The following COG5 variants were observed in gnomAD, a reference collection of about 807,000 sequenced individuals.
The protein encoded by COG5 is component of oligomeric golgi complex 5.
In COG5, 86 loss-of-function variants were observed where a neutral mutation model predicts 110.4. The ratio of observed to expected loss-of-function variants is 0.78; its 90% CI spans 0.65 to 0.93. The LOEUF (loss-of-function observed/expected upper bound fraction) is 0.93, where lower values mean the gene tolerates loss of function less well. COG5 is among the 40% of genes least tolerant of loss of function. COG5 has a pLI of 0.00. For missense variants in COG5, 1,077 were observed against 987.0 expected (o/e 1.09, Z -1.22); for synonymous variants, 360 against 334.6 (o/e 1.08, Z -0.83).
At chr7:107,214,343 T>C (rs894185521) in intron 19 of COG5, among the ~76,000 whole-genome samples, 4 of 151,950 alleles carry the variant, frequency 2.6e-5, no homozygotes, top group East Asian at 1.9e-4. Flanking sequence ...TGAGATGATA[T>C]ATTTAAAGTG....
intron 5 of COG5, among the ~76,000 whole-genome samples, chr7:107,539,023 A>G (rs886859438): frequency 4.6e-5 from 7 of 152,180 alleles, no homozygotes; most frequent in African/African-American, 2.4e-5. Context: ...CACTCCTGTA[A>G]TCCCAGCACT....
chr7:107,540,557 G>C (rs1349388492), intron 5 of COG5, among the ~76,000 whole-genome samples: 1 of 150,310 alleles, frequency 6.7e-6, no homozygotes, highest in East Asian at 2.0e-4. Context: ...CAGCCCAAGT[G>C]ACAGGGCAAG....
chr7:107,258,530 C>T, intron 14 of COG5, 147 bp from the exon 15 acceptor site: 1 of 673,430 alleles, frequency 1.5e-6, no homozygotes, highest in South Asian at 1.6e-5. Flanking sequence ...AGAATGTTAA[C>T]TGGAAATATT....
intron 6 of COG5, among the ~76,000 whole-genome samples, chr7:107,512,699 G>A (rs1414567927): frequency 1.1e-4 from 17 of 151,612 alleles, no homozygotes; most frequent in South Asian, 8.4e-4. Context: ...CAAAACAGAG[G>A]TATAGACCAA....
At chr7:107,387,874 A>G (rs1790323399) in intron 7 of COG5, among the ~76,000 whole-genome samples, 1 of 152,222 alleles carries the variant, frequency 6.6e-6, no homozygotes, top group African/African-American at 2.4e-5. Context: ...AGCCTTAATT[A>G]GGTACATTCT....
chr7:107,358,288 A>G (rs1166057663), intron 10 of COG5, among the ~76,000 whole-genome samples: 1 of 152,230 alleles, frequency 6.6e-6, no homozygotes, highest in Non-Finnish European at 1.5e-5. Flanking sequence ...AAATAGATTC[A>G]TTTGTGTAGA....
intron 14 of COG5, among the ~76,000 whole-genome samples, chr7:107,263,469 A>G (rs1261782607): frequency 6.6e-6 from 1 of 152,222 alleles, no homozygotes; most frequent in African/African-American, 2.4e-5. Flanking sequence ...AGAAATGTAC[A>G]TACTGGTTAA....
chr7:107,350,625 T>C lies in COG5; in HGVS notation c.1026+11408A>G, dbSNP rs191452030. Among the ~76,000 whole-genome samples the C allele has an allele frequency of 7.2e-5, 11 of 152,344 alleles. No individual in the cohort carries two copies. The East Asian group carries it at 2.1e-3, about 29-fold the overall frequency. ...TTGGCAATTTTTTACTGTGAGCTTA[T>C]ATTTGTCTAAACTTAATATAAGAAT... On this transcript the variant is annotated intron_variant, in intron 10 of 21. Transcript: ENST00000297135.
chr7:107,441,180 A>AG (rs1346849058), intron 6 of COG5, among the ~76,000 whole-genome samples: 1 of 136,322 alleles, frequency 7.3e-6, no homozygotes, highest in Non-Finnish European at 1.5e-5. Flanking sequence ...GCTTGAACCC[A>AG]GGGGGGCAAA....
intron 5 of COG5, among the ~76,000 whole-genome samples, chr7:107,537,350 C>G (rs752680089): frequency 6.6e-6 from 1 of 152,168 alleles, no homozygotes; most frequent in Non-Finnish European, 1.5e-5. Context: ...AGATGTCCAT[C>G]AACGTTAGAC....
At chr7:107,209,194 A>G in intron 21 of COG5, 1 of 985,470 alleles carries the variant, frequency 1.0e-6, no homozygotes, top group Non-Finnish European at 1.2e-6. Flanking sequence ...CAGAATTGGG[A>G]TCCCCTGGGA....
chr7:107,473,302 G>A (rs961724968), intron 6 of COG5, among the ~76,000 whole-genome samples: 23 of 151,570 alleles, frequency 1.5e-4, no homozygotes, highest in Admixed American at 8.6e-4. Flanking sequence ...CATTTCATAG[G>A]AGTGATTAAT....
At chr7:107,438,093 T>A (rs1352636781) in intron 6 of COG5, among the ~76,000 whole-genome samples, 2 of 152,164 alleles carry the variant, frequency 1.3e-5, no homozygotes, top group Non-Finnish European at 2.9e-5. Context: ...GCCCTATGGA[T>A]GAAAATAAGC....
At chr7:107,459,642 T>TA (rs1385801127) in intron 6 of COG5, among the ~76,000 whole-genome samples, 1 of 150,058 alleles carries the variant, frequency 6.7e-6, no homozygotes, top group East Asian at 2.0e-4. Flanking sequence ...CTGGGAAAAA[T>TA]AAAAAAAGCC....
chr7:107,481,929 T>C (rs1797377782), intron 6 of COG5, among the ~76,000 whole-genome samples: 1 of 152,162 alleles, frequency 6.6e-6, no homozygotes, highest in African/African-American at 2.4e-5. Context: ...TGATACATAC[T>C]GACTGGTAAG....
chr7:107,233,728 T>C (rs1800944219), intron 18 of COG5, among the ~76,000 whole-genome samples: 1 of 152,164 alleles, frequency 6.6e-6, no homozygotes, highest in Non-Finnish European at 1.5e-5. Flanking sequence ...TAATTTTGAA[T>C]ATGAATTGAT....
At chr7:107,284,135 G>A (rs1250803718) in intron 12 of COG5, among the ~76,000 whole-genome samples, 1 of 152,144 alleles carries the variant, frequency 6.6e-6, no homozygotes, top group Non-Finnish European at 1.5e-5. Flanking sequence ...ATGTTGGCCA[G>A]GATGGTCTCA....
At chr7:107,562,719 C>T (rs1337802468) in intron 1 of COG5, among the ~76,000 whole-genome samples, 2 of 152,076 alleles carry the variant, frequency 1.3e-5, no homozygotes, top group Non-Finnish European at 2.9e-5. Flanking sequence ...TTGCTTTTGA[C>T]AAAAGTACAT....
intron 6 of COG5, among the ~76,000 whole-genome samples, chr7:107,498,830 A>C (rs12535761): frequency 0.13 from 19,099 of 152,200 alleles, 1,503 homozygotes; most frequent in Non-Finnish European, 0.17. Flanking sequence ...GATCTTGAGG[A>C]GGTATCTGCA....
Sources: allele counts gnomAD v4.1 joint callset (sites outside exome capture counted in the v4.1 genomes callset), GRCh38; gene constraint gnomAD v4.1.1; transcripts MANE v1.5; gene names NCBI Gene and HGNC (gene_info 2026-07-23, HGNC 2026-07-21).